RASGEF1A: variants seen among roughly 807,000 people sequenced by gnomAD.
RASGEF1A encodes the protein ras-GEF domain-containing family member 1A.
RASGEF1A carries 18 observed loss-of-function variants against 56.4 expected under a neutral mutation model. That is an observed-to-expected ratio of 0.32 (90% CI 0.22 to 0.47). The LOEUF (loss-of-function observed/expected upper bound fraction) is 0.47. Among genes scored for constraint, RASGEF1A ranks in the 20% least tolerant of loss-of-function variants. RASGEF1A has a pLI of 1.00. For missense variants in RASGEF1A, 422 were observed against 627.1 expected (o/e 0.67, Z 3.49); for synonymous variants, 245 against 242.6 (o/e 1.01, Z -0.09).
intron 1 of RASGEF1A, among the ~76,000 whole-genome samples, chr10:43,250,938 G>A (rs1447761967): frequency 6.6e-6 from 1 of 152,220 alleles, no homozygotes; most frequent in African/African-American, 2.4e-5. Flanking sequence ...AGGTGGAGAC[G>A]TGCAGGCAGG....
chr10:43,261,997 C>T (rs1836537303), intron 1 of RASGEF1A, among the ~76,000 whole-genome samples: 1 of 152,138 alleles, frequency 6.6e-6, no homozygotes, highest in South Asian at 2.1e-4. Flanking sequence ...TCCCCAGGCC[C>T]CAAGGAGGAG....
At chr10:43,248,896 C>CTAA (rs1231904487) in intron 1 of RASGEF1A, among the ~76,000 whole-genome samples, 4 of 152,024 alleles carry the variant, frequency 2.6e-5, no homozygotes, top group Non-Finnish European at 5.9e-5. Context: ...GACACAAATA[C>CTAA]TAAACAGGGA....
At chr10:43,245,222 A>T (rs1773354913) in intron 1 of RASGEF1A, among the ~76,000 whole-genome samples, 1 of 152,190 alleles carries the variant, frequency 6.6e-6, no homozygotes, top group African/African-American at 2.4e-5. Flanking sequence ...ATTCCTAGAG[A>T]AACACAAACT....
At chr10:43,197,127 C>G (rs774283252) in intron 10 of RASGEF1A, 28 bp from the exon 11 acceptor site, 3 of 1,610,500 alleles carry the variant, frequency 1.9e-6, no homozygotes, top group Non-Finnish European at 2.5e-6. Context: ...AACTGATGTT[C>G]ATCTGTCACC....
chr10:43,234,343 C>T (rs751343578), intron 1 of RASGEF1A, among the ~76,000 whole-genome samples: 20 of 152,126 alleles, frequency 1.3e-4, no homozygotes, highest in Non-Finnish European at 2.6e-4. Context: ...AGCCTCCCTC[C>T]GCTCATCCCC....
intron 1 of RASGEF1A, among the ~76,000 whole-genome samples, chr10:43,243,330 C>T (rs1840527495): frequency 6.6e-6 from 1 of 151,872 alleles, no homozygotes. Context: ...AGCGCCTCTG[C>T]CCGGCCGCCC....
intron 1 of RASGEF1A, among the ~76,000 whole-genome samples, chr10:43,246,686 A>G (rs940187608): frequency 6.6e-6 from 1 of 152,218 alleles, no homozygotes; most frequent in Non-Finnish European, 1.5e-5. Flanking sequence ...TACTCTCTTC[A>G]ACAAATAGTG....
intron 10 of RASGEF1A, among the ~76,000 whole-genome samples, chr10:43,197,744 C>T (rs945239311): frequency 8.5e-5 from 13 of 152,234 alleles, no homozygotes; most frequent in African/African-American, 1.9e-4. Context: ...GCTGGAACCA[C>T]GGTCCTGGAT....
intron 1 of RASGEF1A, among the ~76,000 whole-genome samples, 174 bp downstream of exon 1, chr10:43,266,671 C>T (rs1305302140): frequency 6.8e-6 from 1 of 146,690 alleles, no homozygotes; most frequent in Admixed American, 6.8e-5. Context: ...CCGCCCTCCC[C>T]GCGCGCGTCC....
Position 43,196,466 on chromosome 10 carries a change from G to A in RASGEF1A, c.1421+10C>T, listed in dbSNP as rs371116209. The stretch of plus-strand genomic sequence containing the variant: ...CCTTACAGACTCCCATGTTCCTGAC[G>A]CCCTCCTACCTGAGGGTCTTCCAGC... On this transcript the variant is annotated intron_variant, in intron 12 of 12. Coordinates refer to ENST00000395810, the MANE Select transcript of RASGEF1A (RefSeq NM_145313.4). This position sits in a 1 kb window ranked among gnomAD's most constrained non-coding sequence, Gnocchi z 4.6. The A allele has an allele frequency of 1.5e-5, 24 of 1,612,560 alleles. No homozygotes were observed. The Middle Eastern group carries it at 4.9e-4, about 33-fold the overall frequency.
intron 1 of RASGEF1A, among the ~76,000 whole-genome samples, chr10:43,238,442 T>C (rs1840463502): frequency 6.6e-6 from 1 of 152,236 alleles, no homozygotes; most frequent in African/African-American, 2.4e-5. Context: ...GCTCTACTAC[T>C]ACCGTTTTTG....
chr10:43,261,029 C>T (rs921581042), intron 1 of RASGEF1A, among the ~76,000 whole-genome samples: 5 of 152,176 alleles, frequency 3.3e-5, no homozygotes, highest in African/African-American at 9.7e-5. Context: ...GCGCACCCAC[C>T]AGGCTTGGTG....
intron 1 of RASGEF1A, among the ~76,000 whole-genome samples, chr10:43,241,491 TAC>T (rs1840497322): frequency 6.6e-6 from 1 of 152,180 alleles, no homozygotes; most frequent in Non-Finnish European, 1.5e-5. Flanking sequence ...ATATAACATA[TAC>T]ATAGTTATTT....
chr10:43,246,692 T>C (rs1329446019), intron 1 of RASGEF1A, among the ~76,000 whole-genome samples: 3 of 152,166 alleles, frequency 2.0e-5, no homozygotes, highest in East Asian at 1.9e-4. Flanking sequence ...CTTCAACAAA[T>C]AGTGCTGGGA....
At chr10:43,203,194 C>T in intron 3 of RASGEF1A, 104 bp downstream of exon 3, 1 of 1,019,632 alleles carries the variant, frequency 9.8e-7, no homozygotes, top group Non-Finnish European at 1.3e-6. Flanking sequence ...CTGACCCCAT[C>T]CCCCAGCTCT....
chr10:43,259,302 G>A (rs1209104105), intron 1 of RASGEF1A, among the ~76,000 whole-genome samples: 1 of 152,148 alleles, frequency 6.6e-6, no homozygotes, highest in Non-Finnish European at 1.5e-5. Flanking sequence ...CTCTTTTCTG[G>A]GGGTAGTAGC....
intron 1 of RASGEF1A, among the ~76,000 whole-genome samples, chr10:43,214,569 C>G (rs571119237): frequency 6.6e-6 from 1 of 152,278 alleles, no homozygotes; most frequent in African/African-American, 2.4e-5. Context: ...CCAGCCCCAC[C>G]ACAGCAGAGA....
intron 1 of RASGEF1A, among the ~76,000 whole-genome samples, chr10:43,215,428 G>A (rs1309769377): frequency 6.6e-6 from 1 of 152,238 alleles, no homozygotes; most frequent in African/African-American, 2.4e-5. Flanking sequence ...TCTCTTGGCT[G>A]GCAGGGAGAG....
chr10:43,265,840 A>C (rs1382187760), intron 1 of RASGEF1A, among the ~76,000 whole-genome samples: 1 of 152,064 alleles, frequency 6.6e-6, no homozygotes, highest in Non-Finnish European at 1.5e-5. Context: ...CCCTGGGGGG[A>C]CAGAGGGAAC....
Sources: allele counts gnomAD v4.1 joint callset (sites outside exome capture counted in the v4.1 genomes callset), GRCh38; gene constraint gnomAD v4.1.1; non-coding constraint Gnocchi (gnomAD v3.1); transcripts MANE v1.5; gene names NCBI Gene and HGNC (gene_info 2026-07-23, HGNC 2026-07-21).